CYFIP2: variants seen among roughly 807,000 people sequenced by gnomAD.
CYFIP2 encodes cytoplasmic FMR1-interacting protein 2.
Under a neutral mutation model 158.7 loss-of-function variants are expected in CYFIP2, and 29 were observed. The observed-to-expected ratio is 0.18, with a 90% CI of 0.14 to 0.25. The LOEUF (loss-of-function observed/expected upper bound fraction) is 0.25. Ranked by LOEUF, CYFIP2 falls within the 10% of genes least tolerant of loss-of-function variation. CYFIP2 has a pLI of 1.00. For synonymous variants in CYFIP2, 585 were observed against 617.6 expected, an observed-to-expected ratio of 0.95 and a Z score of 0.78; for missense variants, 852 against 1,639.5, an observed-to-expected ratio of 0.52 and a Z score of 8.29.
At chr5:157,372,679 A>G (rs1765101023) in intron 26 of CYFIP2, among the ~76,000 whole-genome samples, 2 of 152,208 alleles carry the variant, frequency 1.3e-5, no homozygotes, top group Admixed American at 6.5e-5. Flanking sequence ...ATTTGCTAGC[A>G]TCGAACTTGG....
At chr5:157,314,491 C>G (rs1320484967) in intron 12 of CYFIP2, 28 bp downstream of exon 12, 1 of 1,604,100 alleles carries the variant, frequency 6.2e-7, no homozygotes. Context: ...GAGGGCCTCA[C>G]ACTGACCTCT....
intron 22 of CYFIP2, among the ~76,000 whole-genome samples, chr5:157,340,478 C>A (rs573416542): frequency 6.6e-6 from 1 of 152,072 alleles, no homozygotes; most frequent in African/African-American, 2.4e-5. Flanking sequence ...TTTGTAAAGC[C>A]CATGAGCTGA....
intron 1 of CYFIP2, among the ~76,000 whole-genome samples, chr5:157,271,951 G>T (rs1163852716): frequency 3.9e-5 from 6 of 152,060 alleles, no homozygotes; most frequent in Non-Finnish European, 7.3e-5. Flanking sequence ...ACAGCCCCAG[G>T]GCCCCAGCAG....
intron 23 of CYFIP2, among the ~76,000 whole-genome samples, chr5:157,347,389 A>G (rs1407155751): frequency 1.3e-5 from 2 of 151,636 alleles, no homozygotes; most frequent in Non-Finnish European, 2.9e-5. Flanking sequence ...AGTCTTGGGA[A>G]CTCGGGAACA....
chr5:157,316,118 A>C (rs141572963), intron 13 of CYFIP2, among the ~76,000 whole-genome samples: 223 of 152,234 alleles, frequency 1.5e-3, no homozygotes, highest in Non-Finnish European at 2.5e-3. Flanking sequence ...AAAAGTAAAA[A>C]AATATACCTA....
chr5:157,345,659 A>C (rs1043354887), intron 23 of CYFIP2: 1 of 152,702 alleles, frequency 6.5e-6, no homozygotes, highest in Non-Finnish European at 1.5e-5. Context: ...TTCTCTCAAC[A>C]CTGAGTAATC....
chr5:157,342,737 G>A, intron 23 of CYFIP2: 1 of 971,014 alleles, frequency 1.0e-6, no homozygotes, highest in Non-Finnish European at 1.5e-6. Flanking sequence ...ATCCAACCCA[G>A]GTGACCTACA....
At chr5:157,390,242 C>T (rs902702112) in intron 29 of CYFIP2, among the ~76,000 whole-genome samples, 11 of 151,904 alleles carry the variant, frequency 7.2e-5, no homozygotes, top group African/African-American at 2.4e-4. Flanking sequence ...TGGGTTTTTC[C>T]TTGCAAATTC....
chr5:157,301,038 C>A, intron 6 of CYFIP2, 142 bp downstream of exon 6: 2 of 700,642 alleles, frequency 2.9e-6, no homozygotes, highest in Non-Finnish European at 2.2e-6. Flanking sequence ...CATAGTGAGG[C>A]TTGGCCTGTT....
intron 26 of CYFIP2, among the ~76,000 whole-genome samples, chr5:157,370,227 G>A (rs1764869941): frequency 6.6e-6 from 1 of 152,170 alleles, no homozygotes; most frequent in African/African-American, 2.4e-5. Context: ...TGTGCAGTCA[G>A]AGTGGAGGAT....
chr5:157,291,094 G>C (rs2113859175), intron 3 of CYFIP2, among the ~76,000 whole-genome samples: 1 of 152,256 alleles, frequency 6.6e-6, no homozygotes, highest in African/African-American at 2.4e-5. Context: ...GTCAATGTGG[G>C]CTGCACAAGA....
intron 18 of CYFIP2, 110 bp downstream of exon 18, chr5:157,326,377 A>G: frequency 2.2e-6 from 2 of 927,294 alleles, no homozygotes; most frequent in Non-Finnish European, 3.4e-6. Flanking sequence ...TGTTCTGGAG[A>G]GGAATCTCTG....
chr5:157,318,154 T>C (rs945760912), intron 13 of CYFIP2, among the ~76,000 whole-genome samples: 2 of 152,254 alleles, frequency 1.3e-5, no homozygotes, highest in Non-Finnish European at 2.9e-5. Context: ...CAAATATTTT[T>C]TCTCATCAGT....
rs1767500342 is a variant in CYFIP2 at position 157,393,329 on chromosome 5, C to T, written c.*329C>T. The T allele has an allele frequency of 4.8e-6, 1 of 210,482 alleles. No individual in the cohort carries two copies. Among genetic ancestry groups the T allele is most frequent in the East Asian group, 1.2e-4 (1 of 8,270 alleles). 13.0% of individuals were successfully genotyped at this position (210,482 alleles called of 1,614,324 possible). ...CCATCATCCCACCTATCTGTGGTTG[C>T]TTCCCAAGACCTCCTCCCAAGATAG... On this transcript the variant is annotated 3_prime_UTR_variant, in exon 31 of 31. Coordinates refer to ENST00000620254, the MANE Select transcript of CYFIP2 (RefSeq NM_001037333.3).
chr5:157,301,408 G>A lies in CYFIP2; in HGVS notation c.569+512G>A, dbSNP rs565410162. On this transcript the variant is annotated intron_variant, in intron 6 of 30. Coordinates refer to ENST00000620254, the MANE Select transcript of CYFIP2 (RefSeq NM_001037333.3). ...CATTGGCTTCATTCTCAGGTCTGTG[G>A]TGGCTTCCAGCAGCTTTCCTCAGGC... is the stretch of plus-strand genomic sequence containing the variant. 2.0e-4 allele frequency among the ~76,000 whole-genome samples: 31 copies of A among 152,292 alleles called. 1 individual carries two copies. Among genetic ancestry groups the A allele is most frequent in the Admixed American group, 2.0e-3 (30 of 15,294 alleles).
chr5:157,275,054 T>A (rs1756436096), intron 1 of CYFIP2, among the ~76,000 whole-genome samples: 3 of 152,194 alleles, frequency 2.0e-5, no homozygotes, highest in Admixed American at 2.0e-4. Flanking sequence ...ATTACAGGCA[T>A]GAGCCACTGT....
rs1767560005 is a variant in CYFIP2 at position 157,394,068 on chromosome 5, C to T, written c.*1068C>T. ...AGAGTCCTCTTTTAGGGAATCAGAA[C>T]CTTCATTGTCCTAGAAGCTGAAAGA... On this transcript the variant is annotated 3_prime_UTR_variant, in exon 31 of 31. Transcript: ENST00000620254. 2.0e-5 allele frequency: 3 copies of T among 152,140 alleles called. No individual in the cohort carries two copies. The highest frequency in any genetic ancestry group is 2.0e-4 in the Admixed American group (3 of 15,274). 9.4% of individuals were successfully genotyped at this position (152,140 alleles called of 1,614,324 possible).
chr5:157,375,744 C>T (rs1765407121), intron 26 of CYFIP2: 1 of 151,026 alleles, frequency 6.6e-6, no homozygotes, highest in Non-Finnish European at 1.5e-5. Flanking sequence ...AAAGATGGTA[C>T]ACTCCTTCTC....
At chr5:157,302,352 C>T (rs544662439) in intron 6 of CYFIP2, among the ~76,000 whole-genome samples, 16 of 152,310 alleles carry the variant, frequency 1.1e-4, no homozygotes, top group South Asian at 4.1e-4. Context: ...GCTTTGGAAA[C>T]GTTGAAGTTT....
Sources: gnomAD v4.1 joint callset for allele counts (sites outside exome capture counted in the v4.1 genomes callset) on GRCh38, gnomAD v4.1.1 for gene constraint, MANE v1.5 for transcripts, NCBI Gene and HGNC (gene_info 2026-07-23, HGNC 2026-07-21) for gene names.